HIGD1C: variants seen among roughly 807,000 people sequenced by gnomAD.
The protein encoded by HIGD1C is HIG1 hypoxia inducible domain family member 1C.
HIGD1C carries 11 observed loss-of-function variants against 13.1 expected under a neutral mutation model. That is an observed-to-expected ratio of 0.84 (90% CI 0.53 to 1.39). The LOEUF is 1.39. HIGD1C is among the 40% of genes most tolerant of loss of function. HIGD1C has a pLI of 0.00. For missense variants in HIGD1C, 110 were observed against 112.0 expected (o/e 0.98, Z 0.08); for synonymous variants, 36 against 37.7 (o/e 0.95, Z 0.17).
intron 1 of HIGD1C, among the ~76,000 whole-genome samples, chr12:50,955,930 A>C (rs1939075857): frequency 6.6e-6 from 1 of 152,226 alleles, no homozygotes; most frequent in South Asian, 2.1e-4. Context: ...GGAAAGATAA[A>C]AGTGTTTCCA....
upstream of HIGD1C, among the ~76,000 whole-genome samples, chr12:50,950,398 GA>G (rs1391371202): frequency 6.6e-6 from 1 of 152,130 alleles, no homozygotes; most frequent in African/African-American, 2.4e-5. Flanking sequence ...TAATCATAGT[GA>G]TGGATTATAA....
chr12:50,969,773 G>A (rs1939693319), intron 2 of HIGD1C, among the ~76,000 whole-genome samples: 1 of 151,978 alleles, frequency 6.6e-6, no homozygotes, highest in Non-Finnish European at 1.5e-5. Context: ...CTCAGAAGAG[G>A]GATCTAATTT....
chr12:50,941,799 C>A, the HIGD1C span, among the ~76,000 whole-genome samples: 1 of 152,078 alleles, frequency 6.6e-6, no homozygotes, highest in African/African-American at 2.4e-5. Flanking sequence ...TTCTGGCTAT[C>A]AACCAGGACT....
At chr12:50,959,302 A>G (rs1014064459) in intron 1 of HIGD1C, among the ~76,000 whole-genome samples, 7 of 151,644 alleles carry the variant, frequency 4.6e-5, no homozygotes, top group Admixed American at 2.6e-4. Flanking sequence ...TATTTTTAGT[A>G]GAGATGGGGG....
chr12:50,970,622 C>A (rs1228230532), downstream of HIGD1C: 4 of 647,692 alleles, frequency 6.2e-6, no homozygotes, highest in African/African-American at 7.4e-5. Context: ...ATGCTCATAG[C>A]CTTTGTATTT....
At chr12:50,940,555 C>T in the HIGD1C span, among the ~76,000 whole-genome samples, 6 of 151,776 alleles carry the variant, frequency 4.0e-5, no homozygotes, top group Non-Finnish European at 5.9e-5. Flanking sequence ...CTCATCTCTA[C>T]AAAAAATTGT....
At chr12:50,941,913 T>C in the HIGD1C span, among the ~76,000 whole-genome samples, 7 of 152,064 alleles carry the variant, frequency 4.6e-5, no homozygotes, top group Admixed American at 4.6e-4. Context: ...TTTTGAGACA[T>C]AGTCTCACTC....
the HIGD1C span, chr12:50,935,392 AT>A: frequency 6.6e-6 from 1 of 152,222 alleles, no homozygotes; most frequent in Non-Finnish European, 1.5e-5. Flanking sequence ...GCAAGGTATT[AT>A]TTTGTTTCTA....
At chr12:50,969,706 A>G (rs1939687816) in intron 2 of HIGD1C, among the ~76,000 whole-genome samples, 1 of 151,902 alleles carries the variant, frequency 6.6e-6, no homozygotes, top group Non-Finnish European at 1.5e-5. Flanking sequence ...CCATCTCAAA[A>G]AAAAAAAAAC....
upstream of HIGD1C, among the ~76,000 whole-genome samples, chr12:50,952,479 G>A (rs1383650555): frequency 6.6e-6 from 1 of 152,100 alleles, no homozygotes; most frequent in Non-Finnish European, 1.5e-5. Context: ...GGTGAGCAAG[G>A]TGTTCTCCAA....
chr12:50,967,514 C>T (rs1939585951), intron 2 of HIGD1C, among the ~76,000 whole-genome samples: 1 of 151,982 alleles, frequency 6.6e-6, no homozygotes, highest in Non-Finnish European at 1.5e-5. Flanking sequence ...TGACCTCAAG[C>T]GAACTCCCAC....
At chr12:50,952,180 G>A (rs978094214), upstream of HIGD1C, among the ~76,000 whole-genome samples, 5 of 149,764 alleles carry the variant, frequency 3.3e-5, no homozygotes, top group Admixed American at 1.4e-4. Context: ...TTTGAACACT[G>A]TACTATGGTT....
At chr12:50,948,300 A>G in the HIGD1C span, among the ~76,000 whole-genome samples, 1 of 152,190 alleles carries the variant, frequency 6.6e-6, no homozygotes, top group African/African-American at 2.4e-5. Flanking sequence ...ACATGAAAAT[A>G]TGTTCAATTT....
At chr12:50,957,833 C>T (rs931490793) in intron 1 of HIGD1C, among the ~76,000 whole-genome samples, 1 of 151,596 alleles carries the variant, frequency 6.6e-6, no homozygotes, top group South Asian at 2.1e-4. Context: ...TGCAGTGAGC[C>T]GAGATCATGC....
At chr12:50,962,326 G>A (rs539643232) in intron 2 of HIGD1C, among the ~76,000 whole-genome samples, 32 of 151,924 alleles carry the variant, frequency 2.1e-4, no homozygotes, top group Middle Eastern at 3.4e-3. Flanking sequence ...CAGGAGAATC[G>A]CTTGAATCTG....
At chr12:50,949,117 AAGTCCTC>A (rs1449610904), upstream of HIGD1C, 1 of 151,958 alleles carries the variant, frequency 6.6e-6, no homozygotes, top group Non-Finnish European at 1.5e-5. Context: ...CTAGAATGTG[AAGTCCTC>A]CACTCTCTGC....
downstream of HIGD1C, chr12:50,970,519 G>A (rs781562002): frequency 1.0e-5 from 15 of 1,491,318 alleles, no homozygotes; most frequent in Non-Finnish European, 1.4e-5. Context: ...CTTACATGCT[G>A]GAAGCAAGAA....
chr12:50,942,870 T>C, the HIGD1C span, among the ~76,000 whole-genome samples: 1 of 150,306 alleles, frequency 6.7e-6, no homozygotes, highest in Non-Finnish European at 1.5e-5. Flanking sequence ...CTCTTCTCTT[T>C]TTTTTTTTTT....
intron 1 of HIGD1C, among the ~76,000 whole-genome samples, chr12:50,957,479 A>AT (rs1264235194): frequency 7.9e-5 from 12 of 151,826 alleles, no homozygotes; most frequent in Non-Finnish European, 1.8e-4. Context: ...GATTACAGGA[A>AT]TGAGCCACCA....
Sources: allele counts gnomAD v4.1 joint callset (sites outside exome capture counted in the v4.1 genomes callset), GRCh38; gene constraint gnomAD v4.1.1; transcripts MANE v1.5; gene names NCBI Gene and HGNC (gene_info 2026-07-23, HGNC 2026-07-21).